PRKAG2: variants seen among roughly 807,000 people sequenced by gnomAD.
PRKAG2 encodes the protein 5'-AMP-activated protein kinase subunit gamma-2.
A neutral mutation model predicts 69.6 loss-of-function variants in PRKAG2; 26 were observed. The observed-to-expected ratio is 0.37, with a 90% CI of 0.27 to 0.52. PRKAG2 has a LOEUF of 0.52. Ranked by LOEUF, PRKAG2 falls within the 20% of genes least tolerant of loss-of-function variation. The pLI is 0.90. For synonymous variants in PRKAG2, 293 were observed against 285.0 expected, an observed-to-expected ratio of 1.03 and a Z score of -0.28; for missense variants, 557 against 740.0, an observed-to-expected ratio of 0.75 and a Z score of 2.87.
At chr7:151,656,506 A>G (rs1220732764) in intron 4 of PRKAG2, among the ~76,000 whole-genome samples, 1 of 152,240 alleles carries the variant, frequency 6.6e-6, no homozygotes, top group African/African-American at 2.4e-5. Flanking sequence ...CAGTGAGCCA[A>G]GACTGCGCCA....
At chr7:151,813,112 C>T (rs1235903384) in intron 1 of PRKAG2, among the ~76,000 whole-genome samples, 1 of 152,120 alleles carries the variant, frequency 6.6e-6, no homozygotes, top group African/African-American at 2.4e-5. Flanking sequence ...TGCCGGCTCA[C>T]TCTGACTGCG....
intron 1 of PRKAG2, among the ~76,000 whole-genome samples, chr7:151,869,715 G>A (rs2080167877): frequency 6.6e-6 from 1 of 152,218 alleles, no homozygotes; most frequent in South Asian, 2.1e-4. Context: ...AGCGGCATTG[G>A]GCCAATGTGC....
chr7:151,822,910 G>A (rs531639402), intron 1 of PRKAG2, among the ~76,000 whole-genome samples: 7 of 152,282 alleles, frequency 4.6e-5, no homozygotes, highest in African/African-American at 1.7e-4. Flanking sequence ...AAACAAACAA[G>A]AAAACAACCT....
chr7:151,561,932 T>TAAA (rs59146140), intron 14 of PRKAG2, among the ~76,000 whole-genome samples: 5 of 81,740 alleles, frequency 6.1e-5, no homozygotes, highest in African/African-American at 1.6e-4. Flanking sequence ...GACTGTGTCT[T>TAAA]AAAAAAAAAA....
intron 3 of PRKAG2, among the ~76,000 whole-genome samples, chr7:151,714,509 C>A (rs1028656120): frequency 2.7e-5 from 4 of 148,844 alleles, no homozygotes; most frequent in African/African-American, 1.0e-4. Flanking sequence ...CCCATCCACA[C>A]CCTGCCACCT....
intron 5 of PRKAG2, among the ~76,000 whole-genome samples, chr7:151,617,653 C>A (rs2538043): frequency 0.55 from 82,857 of 151,696 alleles, 23,472 homozygotes; most frequent in East Asian, 0.71. Flanking sequence ...CAGAAAAAAA[C>A]CCCCATATTC....
chr7:151,572,779 C>G lies in PRKAG2; in HGVS notation c.1006-70G>C, dbSNP rs368321027. The stretch of plus-strand genomic sequence containing the variant: ...TAGAAAAAATATTTGGAAAATGAAA[C>G]AAAACATAGCTTGGATAATAGCATT... On this transcript the variant is annotated intron_variant, in intron 8 of 15. Coordinates refer to ENST00000287878, the MANE Select transcript of PRKAG2 (RefSeq NM_016203.4). 5.4e-5 allele frequency: 54 copies of G among 995,744 alleles called. 1 individual carries two copies. Among genetic ancestry groups the G allele is most frequent in the East Asian group, 3.8e-4 (14 of 37,054 alleles). The allele number at this position is 995,744 out of a possible 1,614,324, so 61.7% of individuals were successfully genotyped here.
At chr7:151,647,963 T>C (rs1446153273) in intron 4 of PRKAG2, among the ~76,000 whole-genome samples, 1 of 151,928 alleles carries the variant, frequency 6.6e-6, no homozygotes, top group African/African-American at 2.4e-5. Flanking sequence ...AGGAAAGAGA[T>C]TGGGAATGTC....
intron 6 of PRKAG2, among the ~76,000 whole-genome samples, chr7:151,588,103 C>T (rs1812134592): frequency 1.3e-5 from 2 of 152,094 alleles, no homozygotes; most frequent in African/African-American, 4.8e-5. Context: ...ATTCCTAATG[C>T]TTCCCCCCAC....
intron 1 of PRKAG2, among the ~76,000 whole-genome samples, chr7:151,875,651 G>T (rs1417584258): frequency 1.3e-5 from 2 of 151,534 alleles, no homozygotes; most frequent in Non-Finnish European, 2.9e-5. Context: ...GGCGGAGGGT[G>T]TGACCCAGTG....
At chr7:151,869,936 G>C (rs1412035709) in intron 1 of PRKAG2, among the ~76,000 whole-genome samples, 1 of 152,212 alleles carries the variant, frequency 6.6e-6, no homozygotes, top group Non-Finnish European at 1.5e-5. Context: ...AGCCACTGAA[G>C]GGCTGAGTCA....
intron 3 of PRKAG2, among the ~76,000 whole-genome samples, chr7:151,716,198 T>G (rs1253636548): frequency 2.6e-5 from 4 of 152,216 alleles, no homozygotes; most frequent in Non-Finnish European, 5.9e-5. Flanking sequence ...CAGGCTGATG[T>G]CAGCCCCATG....
At chr7:151,842,575 T>TGATGGTAGTGATGGTAGGTAGG (rs1563747122) in intron 1 of PRKAG2, among the ~76,000 whole-genome samples, 20 of 131,274 alleles carry the variant, frequency 1.5e-4, no homozygotes, top group African/African-American at 5.9e-4. Context: ...TGGTAGGTAG[T>TGATGGTAGTGATGGTAGGTAGG]GATGGTAGTG....
rs149663903 is a variant in PRKAG2, at chr7:151,710,666, A to G, written c.467-35029T>C. 8.4e-3 allele frequency among the ~76,000 whole-genome samples: 1,271 copies of G among 151,842 alleles called. 19 individuals are homozygous for G. The highest frequency in any genetic ancestry group is 0.029 in the African/African-American group (1,198 of 41,386). The stretch of plus-strand genomic sequence containing the variant: ...CCATCTAAGAGGGCACCGCTCACAC[A>G]CCCCCATTTGCCACATGCTCATTCA... On this transcript the variant is annotated intron_variant, in intron 3 of 15. Transcript: ENST00000287878.
In PRKAG2 at chr7:151,835,183, T is replaced by G. The variant is rs2079119628; in HGVS notation, c.114+41324A>C. On this transcript the variant is annotated intron_variant, in intron 1 of 15. Coordinates refer to ENST00000287878, the MANE Select transcript of PRKAG2 (RefSeq NM_016203.4). The surrounding 1 kb of genome is among the most constrained non-coding windows in gnomAD (Gnocchi z 4.1). Reference sequence around the variant, plus strand: ...GACACATCTTTTAGGAGACACACAATTCAACTCATAACAGGGTGCCCTTAG... The same window carrying G: ...GACACATCTTTTAGGAGACACACAAGTCAACTCATAACAGGGTGCCCTTAG... 6.6e-6 allele frequency among the ~76,000 whole-genome samples: 1 copy of G among 152,098 alleles called. No individual in the cohort carries two copies. Among genetic ancestry groups the G allele is most frequent in the South Asian group, 2.1e-4 (1 of 4,822 alleles).
chr7:151,868,714 C>A (rs940920167), intron 1 of PRKAG2, among the ~76,000 whole-genome samples: 4 of 152,252 alleles, frequency 2.6e-5, no homozygotes, highest in African/African-American at 9.6e-5. Context: ...CATTCTCACT[C>A]GGCTCCTGTC....
intron 1 of PRKAG2, among the ~76,000 whole-genome samples, chr7:151,861,192 C>T (rs1188312272): frequency 2.0e-5 from 3 of 152,150 alleles, no homozygotes; most frequent in African/African-American, 4.8e-5. Context: ...CAGCCAAAGC[C>T]TAATGAGGGA....
At position 151,675,505 on chromosome 7, in the gene PRKAG2, G is replaced by A; in HGVS notation, c.599C>T (p.Thr200Ile). 1 of 1,614,224 alleles carries A rather than the reference G, an allele frequency of 6.2e-7. No individual in the cohort carries two copies. The highest frequency in any genetic ancestry group is 8.5e-7 in the Non-Finnish European group (1 of 1,180,036). ...RIYASSSPPD[T>I]GQRFCPSSFQ... is the part of the protein sequence containing the mutation. Reference sequence around the variant, plus strand: ...GGAAGACGGGCAGAACCTCTGCCCTGTGTCCGGGGGGGAAGACGAGGCATA... The same window carrying A: ...GGAAGACGGGCAGAACCTCTGCCCTATGTCCGGGGGGGAAGACGAGGCATA... Residue 200 changes from threonine to isoleucine, a missense_variant, in exon 4 of 16, where the codon ACA becomes ATA. Physicochemically the swap from Thr to Ile is moderately conservative, Grantham distance 89 (BLOSUM62 -1). Coordinates refer to ENST00000287878, the MANE Select transcript of PRKAG2 (RefSeq NM_016203.4).
At chr7:151,782,427 A>AGG (rs1246275703) in intron 2 of PRKAG2, among the ~76,000 whole-genome samples, 4,840 of 59,430 alleles carry the variant, frequency 0.081, 384 homozygotes, top group Middle Eastern at 0.16. Flanking sequence ...GAAGGAAGGA[A>AGG]AGAAAGAAGG....
Sources: allele counts gnomAD v4.1 joint callset (sites outside exome capture counted in the v4.1 genomes callset), GRCh38; gene constraint gnomAD v4.1.1; non-coding constraint Gnocchi (gnomAD v3.1); transcripts MANE v1.5; gene names NCBI Gene and HGNC (gene_info 2026-07-23, HGNC 2026-07-21).